IPO11: variants seen among roughly 807,000 people sequenced by gnomAD.
The protein encoded by IPO11 is importin-11.
A neutral mutation model predicts 143.2 loss-of-function variants in IPO11; 66 were observed. The ratio of observed to expected loss-of-function variants is 0.46; its 90% CI spans 0.38 to 0.57. IPO11 has a LOEUF of 0.57. IPO11 is among the 20% of genes least tolerant of loss of function. The pLI, the probability that IPO11 is intolerant of heterozygous loss-of-function variation, is 0.00. For synonymous variants in IPO11, 385 were observed against 377.8 expected (o/e 1.02, Z -0.22); for missense variants, 1,026 against 1,141.0 (o/e 0.90, Z 1.45).
At chr5:62,551,942 G>A (rs147464009) in intron 26 of IPO11, among the ~76,000 whole-genome samples, 32 of 152,174 alleles carry the variant, frequency 2.1e-4, no homozygotes, top group African/African-American at 7.5e-4. Context: ...GGCTAACACA[G>A]TGAAACCCCA....
intron 5 of IPO11, among the ~76,000 whole-genome samples, chr5:62,455,764 T>C (rs1236435844): frequency 6.6e-6 from 1 of 151,948 alleles, no homozygotes; most frequent in Non-Finnish European, 1.5e-5. Flanking sequence ...AATTCTTTTT[T>C]TTTTTTGAGA....
intron 24 of IPO11, 47 bp from the exon 25 acceptor site, chr5:62,550,320 A>G (rs376163419): frequency 7.2e-7 from 1 of 1,383,262 alleles, no homozygotes; most frequent in African/African-American, 1.4e-5. Flanking sequence ...TTTTTCATAA[A>G]GCAATGACTT....
chr5:62,550,412 A>G lies in IPO11; in HGVS notation c.2296A>G (p.Met766Val). 1 of 1,613,394 alleles carries G rather than the reference A, an allele frequency of 6.2e-7. No homozygotes were observed. Among genetic ancestry groups the G allele is most frequent in the Non-Finnish European group, 8.5e-7 (1 of 1,179,588 alleles). ...LKVNPILGPQ[M>V]FQPILPYVFK... is the part of the protein sequence containing the mutation. ...AGTGAACCCAATACTAGGTCCACAA[A>G]TGTTTCAACCGATTTTACCCTATGT... The change falls in exon 25 of 30, where the codon ATG becomes GTG. Residue 766 changes from methionine to valine, a missense_variant. Met to Val is a conservative substitution (Grantham distance 21, BLOSUM62 1). This residue lies in a region of IPO11 where 351 missense variants were observed against 358.9 expected (regional missense o/e 0.98). Transcript: ENST00000325324.
intron 8 of IPO11, among the ~76,000 whole-genome samples, chr5:62,476,474 TC>T (rs1159857601): frequency 6.6e-6 from 1 of 152,212 alleles, no homozygotes; most frequent in African/African-American, 2.4e-5. Context: ...TGAGTTCAGT[TC>T]ATATATTAGG....
intron 27 of IPO11, among the ~76,000 whole-genome samples, chr5:62,586,752 CAA>C (rs763383085): frequency 0.015 from 895 of 60,296 alleles, 25 homozygotes; most frequent in East Asian, 0.088. Flanking sequence ...ACTCAGTCTC[CAA>C]AAAAAAAAAA....
intron 20 of IPO11, among the ~76,000 whole-genome samples, chr5:62,524,671 A>G (rs1426610887): frequency 6.6e-6 from 1 of 152,156 alleles, no homozygotes; most frequent in Non-Finnish European, 1.5e-5. Flanking sequence ...GGACAAAATT[A>G]TATTTAACAT....
chr5:62,485,642 C>T (rs1360271320), intron 12 of IPO11, among the ~76,000 whole-genome samples, 180 bp downstream of exon 12: 2 of 151,756 alleles, frequency 1.3e-5, no homozygotes, highest in Non-Finnish European at 1.5e-5. Flanking sequence ...AATTCAAGAC[C>T]GGCCTGGTAA....
chr5:62,441,735 CG>C (rs1276891443), intron 2 of IPO11, among the ~76,000 whole-genome samples: 2 of 149,728 alleles, frequency 1.3e-5, no homozygotes, highest in African/African-American at 4.9e-5. Flanking sequence ...AGGCTGGTCT[CG>C]AACTCCTGAC....
intron 20 of IPO11, among the ~76,000 whole-genome samples, chr5:62,525,162 T>C (rs1179086881): frequency 6.6e-6 from 1 of 152,172 alleles, no homozygotes; most frequent in Non-Finnish European, 1.5e-5. Context: ...AACATCATCC[T>C]TTTTCCTTTC....
chr5:62,492,334 G>GT (rs1288896992), intron 15 of IPO11, among the ~76,000 whole-genome samples: 8 of 152,110 alleles, frequency 5.3e-5, no homozygotes, highest in Non-Finnish European at 1.2e-4. Flanking sequence ...GGTTCAAACA[G>GT]TTTCTGTCCC....
intron 24 of IPO11, among the ~76,000 whole-genome samples, chr5:62,537,503 A>G (rs1742775649): frequency 6.6e-6 from 1 of 152,148 alleles, no homozygotes; most frequent in Non-Finnish European, 1.5e-5. Context: ...TCAACTGGAC[A>G]TCTTATAAAA....
chr5:62,453,266 T>C (rs1343163406), intron 5 of IPO11, among the ~76,000 whole-genome samples: 1 of 151,192 alleles, frequency 6.6e-6, no homozygotes, highest in Non-Finnish European at 1.5e-5. Context: ...CTTTTGAACT[T>C]AGCATGTGGT....
In IPO11 at chr5:62,623,645, CT is replaced by C. The variant is rs34547621; in HGVS notation, c.2764-3491del. ...ATTTCTTTCTTTCTTTCTTCTTTTT[CT>C]TTTTTTTTTTTTTTTTTAAGACAGA... On this transcript the variant is annotated intron_variant, in intron 29 of 29. Coordinates refer to ENST00000325324, the MANE Select transcript of IPO11 (RefSeq NM_016338.5). Among the ~76,000 whole-genome samples the C allele has an allele frequency of 7.1e-3, 950 of 134,196 alleles. 7 individuals carry two copies. The highest frequency in any genetic ancestry group is 0.017 in the African/African-American group (635 of 36,718). The allele number at this position is 134,196 out of a possible 152,430, so 88.0% of individuals were successfully genotyped here. A position where few individuals can be genotyped will look rare whatever the true frequency, so the allele number is the denominator to read the frequency against.
chr5:62,586,768 A>AAAATAT (rs1554057003), intron 27 of IPO11, among the ~76,000 whole-genome samples: 56 of 28,912 alleles, frequency 1.9e-3, no homozygotes, highest in Non-Finnish European at 2.8e-3. Context: ...AAAAAAAAAA[A>AAAATAT]ATATATATAT....
intron 27 of IPO11, among the ~76,000 whole-genome samples, chr5:62,589,515 C>T (rs1340959896): frequency 6.6e-6 from 1 of 152,144 alleles, no homozygotes; most frequent in African/African-American, 2.4e-5. Flanking sequence ...AAATTAGTTG[C>T]CAAATCCTGT....
intron 19 of IPO11, among the ~76,000 whole-genome samples, chr5:62,508,394 C>T (rs946752248): frequency 2.0e-5 from 3 of 151,662 alleles, no homozygotes; most frequent in Non-Finnish European, 1.5e-5. Flanking sequence ...GGGATCCACC[C>T]GCCTTGGCCT....
At chr5:62,611,261 A>G (rs1020624292) in intron 29 of IPO11, among the ~76,000 whole-genome samples, 4 of 152,194 alleles carry the variant, frequency 2.6e-5, no homozygotes, top group African/African-American at 9.6e-5. Context: ...TGACATTAAA[A>G]CAATCCAAGA....
In IPO11 at chr5:62,514,603, C is replaced by A. The variant is rs1327021709; in HGVS notation, c.1783-785C>A. The stretch of plus-strand genomic sequence containing the variant: ...CGTGGAAAGGAGAGGGAGAGGGAGA[C>A]GGGAGAGGGAGAGGGAGAGGGAGAG... On this transcript the variant is annotated intron_variant, in intron 19 of 29. Coordinates refer to ENST00000325324, the MANE Select transcript of IPO11 (RefSeq NM_016338.5). 7.9e-3 allele frequency among the ~76,000 whole-genome samples: 1,041 copies of A among 132,330 alleles called. 33 individuals carry two copies. Among genetic ancestry groups the A allele is most frequent in the African/African-American group, 0.032 (1,008 of 31,272 alleles). The allele number at this position is 132,330 out of a possible 152,430, so 86.8% of individuals were successfully genotyped here.
intron 24 of IPO11, among the ~76,000 whole-genome samples, chr5:62,545,798 G>A (rs1038586729): frequency 6.6e-6 from 1 of 152,174 alleles, no homozygotes; most frequent in Non-Finnish European, 1.5e-5. Flanking sequence ...GATATGAACA[G>A]ACACTTCTCA....
Sources: gnomAD v4.1 joint callset for allele counts (sites outside exome capture counted in the v4.1 genomes callset) on GRCh38, gnomAD v4.1.1 for gene constraint, gnomAD v4.1.1 regional missense constraint, MANE v1.5 for transcripts, NCBI Gene and HGNC (gene_info 2026-07-23, HGNC 2026-07-21) for gene names.